Variants in XPO6 observed in about 807,000 individuals in gnomAD.
XPO6 encodes exportin 6.
XPO6 carries 3 observed loss-of-function variants against 130.0 expected under a neutral mutation model. That is an observed-to-expected ratio of 0.02 (90% CI 0.01 to 0.06). The LOEUF (loss-of-function observed/expected upper bound fraction) is 0.06, where lower values mean the gene tolerates loss of function less well. Ranked by LOEUF, XPO6 falls within the 10% of genes least tolerant of loss-of-function variation. The probability of loss-of-function intolerance (pLI) is 1.00; values close to 1 mark genes in which losing one functional copy is unlikely to be tolerated. For missense variants in XPO6, 970 were observed against 1,393.0 expected (o/e 0.70, Z 4.83); for synonymous variants, 524 against 548.9 (o/e 0.95, Z 0.63).
At chr16:28,199,680 C>CCT (rs376946339) in intron 1 of XPO6, among the ~76,000 whole-genome samples, 42 of 152,194 alleles carry the variant, frequency 2.8e-4, no homozygotes, top group African/African-American at 9.4e-4. Flanking sequence ...GATTCTCCTG[C>CCT]CTCAGCCTCC....
At chr16:28,181,259 G>A (rs1308436290) in intron 1 of XPO6, 6 of 428,554 alleles carry the variant, frequency 1.4e-5, no homozygotes, top group African/African-American at 1.2e-4. Context: ...CTACTGTGCA[G>A]CTGATTTTCA....
Position 28,132,199 on chromosome 16 carries a change from C to G in XPO6, c.1606+135G>C. 1.4e-6 allele frequency: 1 copy of G among 697,380 alleles called. No homozygotes were observed. Among genetic ancestry groups the G allele is most frequent in the Non-Finnish European group, 2.5e-6 (1 of 403,672 alleles). The allele number at this position is 697,380 out of a possible 1,614,324, so 43.2% of individuals were successfully genotyped here. A position where few individuals can be genotyped will look rare whatever the true frequency, so the allele number is the denominator to read the frequency against. On this transcript the variant is annotated intron_variant, in intron 12 of 23. Coordinates refer to ENST00000304658, the MANE Select transcript of XPO6 (RefSeq NM_015171.4). The surrounding 1 kb of genome is among the most constrained non-coding windows in gnomAD (Gnocchi z 4.0). Reference sequence around the variant, plus strand: ...AAGCCTTTAAAAACGTTCCCTGTTTCGAAGTGGGGAGAGATGCCAGTGGGG... The same window carrying G: ...AAGCCTTTAAAAACGTTCCCTGTTTGGAAGTGGGGAGAGATGCCAGTGGGG...
Position 28,175,154 on chromosome 16 carries a change from C to T in XPO6, c.405+744G>A, listed in dbSNP as rs138552728. Among the ~76,000 whole-genome samples, 87 of 152,210 alleles carry T rather than the reference C, an allele frequency of 5.7e-4. 2 individuals carry two copies. The East Asian group carries it at 0.016, about 27-fold the overall frequency. ...GTCATTCTAGATTCCTCCCTTCTCT[C>T]CCCTCTCACCTATTGTCACTGGCCT... On this transcript the variant is annotated intron_variant, in intron 4 of 23. Coordinates refer to ENST00000304658, the MANE Select transcript of XPO6 (RefSeq NM_015171.4).
chr16:28,113,104 C>T, intron 15 of XPO6, 54 bp from the exon 16 acceptor site: 4 of 1,574,806 alleles, frequency 2.5e-6, no homozygotes, highest in Non-Finnish European at 3.5e-6. Flanking sequence ...GACTGGGATT[C>T]GAACTTTGCT....
chr16:28,186,371 A>AATCTT (rs2043692483), intron 1 of XPO6, among the ~76,000 whole-genome samples: 1 of 10,136 alleles, frequency 9.9e-5, no homozygotes, highest in African/African-American at 4.1e-4. Flanking sequence ...TGCCCCAGTT[A>AATCTT]TTCTTTTTTT....
chr16:28,100,080 C>T (rs776925019), intron 23 of XPO6, among the ~76,000 whole-genome samples: 68 of 152,098 alleles, frequency 4.5e-4, no homozygotes, highest in Non-Finnish European at 8.7e-4. Context: ...CTCTGCCTCC[C>T]GGGTTCAAGA....
In XPO6 at chr16:28,106,012, G is replaced by GTGT. The variant is rs548396981; in HGVS notation, c.2784+30_2784+31insACA. 1,338 of 1,599,166 alleles carry GTGT rather than the reference G, an allele frequency of 8.4e-4. 7 individuals are homozygous for GTGT. In the African/African-American group the frequency reaches 0.016, roughly 19 times the overall value. On this transcript the variant is annotated intron_variant, in intron 20 of 23. Transcript: ENST00000304658. The surrounding 1 kb of genome is among the most constrained non-coding windows in gnomAD (Gnocchi z 4.2). ...TCCCTTCCCAATCTGGAGATGGGGG[G>GTGT]TGCTGCACAGGGGACCGTCTGAGCC...
intron 13 of XPO6, among the ~76,000 whole-genome samples, chr16:28,123,970 G>C (rs2087319476): frequency 6.6e-6 from 1 of 151,842 alleles, no homozygotes; most frequent in Non-Finnish European, 1.5e-5. Flanking sequence ...GGAAATCTAA[G>C]CAGTGCAGAA....
rs1000418102 is a variant in XPO6 at position 28,117,517 on chromosome 16, G to A, written c.1860-55C>T. ...AAGGTTAAGGTGAAAATATATTAGC[G>A]TTCAACTCATTTTCATAGGAGGTAA... On this transcript the variant is annotated intron_variant, in intron 14 of 23. Coordinates refer to ENST00000304658, the MANE Select transcript of XPO6 (RefSeq NM_015171.4). 10 of 1,580,088 alleles carry A rather than the reference G, an allele frequency of 6.3e-6. No homozygotes were observed. In the African/African-American group the frequency reaches 6.7e-5, roughly 11 times the overall value.
At chr16:28,200,147 ACT>A (rs145995889) in intron 1 of XPO6, among the ~76,000 whole-genome samples, 8,321 of 149,984 alleles carry the variant, frequency 0.055, 583 homozygotes, top group East Asian at 0.16. Flanking sequence ...ACAGAGGGAG[ACT>A]CTATCTCAAA....
intron 18 of XPO6, 144 bp downstream of exon 18, chr16:28,107,378 C>T: frequency 1.0e-6 from 1 of 978,202 alleles, no homozygotes; most frequent in East Asian, 2.4e-5. Context: ...AACATCACTG[C>T]CCTTTCCCCT....
chr16:28,152,339 C>G (rs537648349), intron 8 of XPO6, among the ~76,000 whole-genome samples: 1 of 152,306 alleles, frequency 6.6e-6, no homozygotes, highest in Non-Finnish European at 1.5e-5. Flanking sequence ...TCAGACTTTT[C>G]CTTTCTTTTG....
At chr16:28,175,685 A>AC (rs57781235) in intron 4 of XPO6, among the ~76,000 whole-genome samples, 151,024 of 152,298 alleles carry the variant, frequency 0.99, 74,885 homozygotes, top group Middle Eastern at 1. Flanking sequence ...CAAGAGGTTA[A>AC]AAAGAGATTA....
intron 4 of XPO6, among the ~76,000 whole-genome samples, chr16:28,174,052 C>T (rs138479738): frequency 3.2e-4 from 48 of 152,238 alleles, no homozygotes; most frequent in African/African-American, 1.2e-3. Context: ...CTCCAGTGGG[C>T]TTCCCTGACG....
chr16:28,205,776 G>A (rs965706620), intron 1 of XPO6, among the ~76,000 whole-genome samples: 4 of 152,016 alleles, frequency 2.6e-5, no homozygotes, highest in Non-Finnish European at 4.4e-5. Flanking sequence ...GGTGGTTCAC[G>A]CCTGTAATCC....
chr16:28,130,365 G>C (rs949408995), intron 12 of XPO6, among the ~76,000 whole-genome samples: 10 of 152,256 alleles, frequency 6.6e-5, no homozygotes, highest in African/African-American at 2.2e-4. Context: ...AAGGCCCAGA[G>C]CCTATCAGGG....
rs1457482227 is a variant in XPO6 at position 28,117,459 on chromosome 16, A to G, written c.1863T>C (p.His621=). ...CCTGCAGCGCAGCCAGGGACTGAGC[A>G]TGCCTGCAGAAAGAAAAGAAGATGT... is the stretch of plus-strand genomic sequence containing the variant. ...SVLKPDLIDV[H]AQSLAALQAY... is the part of the protein sequence containing the mutation. The change falls in exon 15 of 24, where the codon CAT becomes CAC. Residue 621 remains histidine, a synonymous_variant. Transcript: ENST00000304658. 1 of 1,611,870 alleles carries G rather than the reference A, an allele frequency of 6.2e-7. No individual in the cohort carries two copies. Among genetic ancestry groups the G allele is most frequent in the Admixed American group, 1.7e-5 (1 of 59,912 alleles).
At chr16:28,145,983 G>T in intron 9 of XPO6, 111 bp downstream of exon 9, 2 of 747,366 alleles carry the variant, frequency 2.7e-6, no homozygotes, top group Non-Finnish European at 4.6e-6. Context: ...TGCCTAAACA[G>T]CTTACATGAC....
rs112967483 is a variant in XPO6, at chr16:28,136,133, A to G, written c.1335-809T>C. Among the ~76,000 whole-genome samples, 543 of 152,378 alleles carry G rather than the reference A, an allele frequency of 3.6e-3. 5 individuals carry two copies. Among genetic ancestry groups the G allele is most frequent in the African/African-American group, 0.013 (525 of 41,594 alleles). On this transcript the variant is annotated intron_variant, in intron 9 of 23. Coordinates refer to ENST00000304658, the MANE Select transcript of XPO6 (RefSeq NM_015171.4). ...GAAGTTAAATAAACTGCCCAAGGCC[A>G]CAAAGCTATTTCGAACCTAGGGCCC...
Sources: allele counts gnomAD v4.1 joint callset (sites outside exome capture counted in the v4.1 genomes callset), GRCh38; gene constraint gnomAD v4.1.1; non-coding constraint Gnocchi (gnomAD v3.1); transcripts MANE v1.5; gene names NCBI Gene and HGNC (gene_info 2026-07-23, HGNC 2026-07-21).